PLCL1: variants seen among roughly 807,000 people sequenced by gnomAD.
PLCL1 encodes inactive phospholipase C-like protein 1.
Under a neutral mutation model 84.4 loss-of-function variants are expected in PLCL1, and 41 were observed. That is an observed-to-expected ratio of 0.49 (90% confidence interval 0.38 to 0.63). The LOEUF is 0.63. Among genes scored for constraint, PLCL1 ranks in the 30% least tolerant of loss-of-function variants. PLCL1 has a pLI of 0.00. For missense variants in PLCL1, 1,206 were observed against 1,367.8 expected (o/e 0.88, Z 1.87); for synonymous variants, 490 against 488.3 (o/e 1.00, Z -0.05).
intron 1 of PLCL1, among the ~76,000 whole-genome samples, chr2:197,988,313 T>C (rs1186696309): frequency 6.6e-6 from 1 of 152,192 alleles, no homozygotes; most frequent in South Asian, 2.1e-4. Flanking sequence ...AAGTCTGAGA[T>C]TTTAGTGTAC....
chr2:197,997,948 A>G (rs1313915994), intron 1 of PLCL1, among the ~76,000 whole-genome samples: 1 of 152,158 alleles, frequency 6.6e-6, no homozygotes, highest in Non-Finnish European at 1.5e-5. Flanking sequence ...AAATATAAAT[A>G]CCTTCTGGGT....
intron 1 of PLCL1, among the ~76,000 whole-genome samples, chr2:197,876,264 T>G (rs1169809034): frequency 6.6e-6 from 1 of 152,126 alleles, no homozygotes; most frequent in African/African-American, 2.4e-5. Context: ...AATCCCACAG[T>G]GTTTTGTGGA....
chr2:197,965,192 T>G (rs1410329576), intron 1 of PLCL1, among the ~76,000 whole-genome samples: 1 of 152,180 alleles, frequency 6.6e-6, no homozygotes, highest in African/African-American at 2.4e-5. Flanking sequence ...GGTCCTGGGC[T>G]TTTATTTGCT....
At chr2:197,897,108 CTTCTTCTTCTTCTTCTTCTTCTTCT>C (rs1559038445) in intron 1 of PLCL1, among the ~76,000 whole-genome samples, 2 of 36,900 alleles carry the variant, frequency 5.4e-5, no homozygotes, top group African/African-American at 3.2e-4. Context: ...CCTTCTTCTT[CTTCTTCTTCTTCTTCTTCTTCTTCT>C]TCTTCTTCTT....
At chr2:197,873,231 G>A (rs569273436) in intron 1 of PLCL1, among the ~76,000 whole-genome samples, 1 of 151,600 alleles carries the variant, frequency 6.6e-6, no homozygotes, top group African/African-American at 2.4e-5. Flanking sequence ...ACAAACACAT[G>A]TTCCTTTAGG....
chr2:197,837,622 G>A (rs1691218319), intron 1 of PLCL1, among the ~76,000 whole-genome samples: 3 of 152,196 alleles, frequency 2.0e-5, no homozygotes, highest in Admixed American at 2.0e-4. Context: ...GATTGGGCCA[G>A]GCCTGTAGAA....
intron 1 of PLCL1, among the ~76,000 whole-genome samples, chr2:198,073,082 G>A (rs931492643): frequency 6.6e-6 from 1 of 152,152 alleles, no homozygotes. Context: ...GTAATGGTGA[G>A]TAAAATTTAT....
chr2:197,854,291 C>T (rs984506345), intron 1 of PLCL1, among the ~76,000 whole-genome samples: 5 of 152,082 alleles, frequency 3.3e-5, no homozygotes, highest in African/African-American at 1.2e-4. Context: ...CTACCTTTTC[C>T]CAACAAGTGG....
intron 1 of PLCL1, among the ~76,000 whole-genome samples, chr2:197,951,242 GC>G (rs914338308): frequency 1.3e-5 from 2 of 152,150 alleles, no homozygotes; most frequent in African/African-American, 4.8e-5. Context: ...ATAATGGTCT[GC>G]TATTGTCTGT....
At chr2:198,044,306 G>A (rs1263052037) in intron 1 of PLCL1, among the ~76,000 whole-genome samples, 1 of 152,078 alleles carries the variant, frequency 6.6e-6, no homozygotes, top group Non-Finnish European at 1.5e-5. Context: ...ATTCACAGTG[G>A]CTTCTCCTAG....
At chr2:197,920,877 C>T (rs1397428033) in intron 1 of PLCL1, among the ~76,000 whole-genome samples, 1 of 152,154 alleles carries the variant, frequency 6.6e-6, no homozygotes, top group African/African-American at 2.4e-5. Context: ...TTTCCCAGCT[C>T]AATGAGAAAG....
At chr2:198,109,505 A>G (rs893905809) in intron 5 of PLCL1, among the ~76,000 whole-genome samples, 1 of 151,934 alleles carries the variant, frequency 6.6e-6, no homozygotes, top group South Asian at 2.1e-4. Context: ...AGGCTTTCAG[A>G]AAGGGATACT....
chr2:197,873,746 C>T (rs969278062), intron 1 of PLCL1, among the ~76,000 whole-genome samples: 2 of 152,130 alleles, frequency 1.3e-5, no homozygotes, highest in Non-Finnish European at 2.9e-5. Flanking sequence ...CCACCTTCCT[C>T]CAATAGGAAA....
chr2:198,090,509 G>A (rs1692999399), intron 3 of PLCL1, among the ~76,000 whole-genome samples: 1 of 152,120 alleles, frequency 6.6e-6, no homozygotes, highest in Admixed American at 6.5e-5. Context: ...GTAGAAGAAA[G>A]ATATTGGAGA....
At chr2:198,034,788 ATGT>A (rs1222419277) in intron 1 of PLCL1, among the ~76,000 whole-genome samples, 2 of 152,332 alleles carry the variant, frequency 1.3e-5, no homozygotes, top group East Asian at 3.9e-4. Context: ...CCAGGATCAC[ATGT>A]TGTGTTGTGC....
chr2:197,934,557 A>G (rs913898482), intron 1 of PLCL1, among the ~76,000 whole-genome samples: 1 of 152,214 alleles, frequency 6.6e-6, no homozygotes, highest in Admixed American at 6.5e-5. Context: ...TGAATGAGGT[A>G]TTTGCAGATA....
intron 5 of PLCL1, among the ~76,000 whole-genome samples, chr2:198,123,220 C>A (rs901409585): frequency 6.6e-6 from 1 of 152,028 alleles, no homozygotes; most frequent in South Asian, 2.1e-4. Flanking sequence ...GCAAACTATC[C>A]CTCAATTTTA....
At chr2:197,999,497 G>T (rs1690549436) in intron 1 of PLCL1, among the ~76,000 whole-genome samples, 1 of 152,188 alleles carries the variant, frequency 6.6e-6, no homozygotes, top group Non-Finnish European at 1.5e-5. Flanking sequence ...AGGCTTAAGT[G>T]AGACTTGCTT....
intron 1 of PLCL1, among the ~76,000 whole-genome samples, chr2:198,047,315 C>G (rs1282516050): frequency 2.0e-5 from 3 of 152,140 alleles, no homozygotes; most frequent in Non-Finnish European, 4.4e-5. Flanking sequence ...TCCCAAGTAG[C>G]TGGGACTACA....
Sources: allele counts gnomAD v4.1 joint callset (sites outside exome capture counted in the v4.1 genomes callset), GRCh38; gene constraint gnomAD v4.1.1; transcripts MANE v1.5; gene names NCBI Gene and HGNC (gene_info 2026-07-23, HGNC 2026-07-21).